The following KLHL20 variants were observed in gnomAD, a reference collection of about 807,000 sequenced individuals.
KLHL20 encodes kelch like family member 20.
A neutral mutation model predicts 69.5 loss-of-function variants in KLHL20; 29 were observed. The ratio of observed to expected loss-of-function variants is 0.42; its 90% CI spans 0.31 to 0.57. The LOEUF (loss-of-function observed/expected upper bound fraction) is 0.57, where lower values mean the gene tolerates loss of function less well. Among genes scored for constraint, KLHL20 ranks in the 20% least tolerant of loss-of-function variants. The pLI is 0.18. For synonymous variants in KLHL20, 253 were observed against 265.2 expected, an observed-to-expected ratio of 0.95 and a Z score of 0.45; for missense variants, 419 against 776.0, an observed-to-expected ratio of 0.54 and a Z score of 5.47.
chr1:173,750,813 A>G (rs1489902277), intron 3 of KLHL20, among the ~76,000 whole-genome samples: 1 of 152,268 alleles, frequency 6.6e-6, no homozygotes, highest in East Asian at 1.9e-4. Context: ...CTCCTGCCTC[A>G]GCCTCCCAAA....
chr1:173,774,466 T>G (rs1648320701), intron 9 of KLHL20, 28 bp downstream of exon 9: 8 of 1,613,180 alleles, frequency 5.0e-6, no homozygotes, highest in Non-Finnish European at 6.8e-6. Context: ...GCAATCAGGT[T>G]CCCCAAAAGC....
intron 7 of KLHL20, among the ~76,000 whole-genome samples, chr1:173,761,385 A>G (rs898632180): frequency 3.9e-5 from 6 of 152,172 alleles, no homozygotes; most frequent in Non-Finnish European, 2.9e-5. Context: ...GAAAAAATGG[A>G]CTTAACAGAT....
Position 173,751,896 on chromosome 1 carries a change from CA to C in KLHL20, c.731del (p.Gln244ArgfsTer28). ...GATGGCCTGGGTCAAATACAGTATT[CA>C]GGAAAGACGTCCTCAATTACCCCAG... ...AVMAWVKYSI[Q>X]ERRPQLPQVL... On this transcript the variant is annotated frameshift_variant, in exon 4 of 12. Coordinates refer to ENST00000209884, the MANE Select transcript of KLHL20 (RefSeq NM_014458.4). LOFTEE classifies it high-confidence loss of function. The C allele has an allele frequency of 1.9e-6, 3 of 1,614,028 alleles. No homozygotes were observed. Among genetic ancestry groups the C allele is most frequent in the Non-Finnish European group, 2.5e-6 (3 of 1,179,972 alleles).
At chr1:173,784,909 GCT>G (rs1271859504) in intron 11 of KLHL20, among the ~76,000 whole-genome samples, 6 of 152,180 alleles carry the variant, frequency 3.9e-5, no homozygotes, top group Admixed American at 3.9e-4. Context: ...TGAATATGAT[GCT>G]CTCTTATTCT....
At chr1:173,775,610 T>TA in intron 9 of KLHL20, 24 bp from the exon 10 acceptor site, 1 of 1,599,344 alleles carries the variant, frequency 6.3e-7, no homozygotes, top group South Asian at 1.1e-5. Flanking sequence ...AATGCTCACT[T>TA]ACTGGTTTTT....
intron 7 of KLHL20, 131 bp downstream of exon 7, chr1:173,757,290 A>G: frequency 1.3e-6 from 1 of 780,914 alleles, no homozygotes; most frequent in East Asian, 2.7e-5. Context: ...TAAACAAGTT[A>G]GTATGATACA....
chr1:173,774,154 T>C (rs1362840439), intron 8 of KLHL20, 151 bp from the exon 9 acceptor site: 4 of 884,058 alleles, frequency 4.5e-6, no homozygotes, highest in Non-Finnish European at 6.9e-6. Flanking sequence ...TAAGACGTTT[T>C]TCTAATGACT....
chr1:173,718,388 A>G (rs1215003695), intron 2 of KLHL20, among the ~76,000 whole-genome samples: 1 of 151,990 alleles, frequency 6.6e-6, no homozygotes, highest in African/African-American at 2.4e-5. Context: ...AAAGGAAACA[A>G]GAAAAATTTA....
chr1:173,756,058 G>A lies in KLHL20; in HGVS notation c.967+20G>A. The A allele has an allele frequency of 1.3e-6, 2 of 1,499,222 alleles. No individual in the cohort carries two copies. The highest frequency in any genetic ancestry group is 1.9e-6 in the Non-Finnish European group (2 of 1,081,010). 92.9% of individuals were successfully genotyped at this position (1,499,222 alleles called of 1,614,324 possible). ...TTGCAGGTTTGGATCTTAATATACT[G>A]TTAGTAAATTGAGTATTTTCCCAGG... is the stretch of plus-strand genomic sequence containing the variant. On this transcript the variant is annotated intron_variant, in intron 6 of 11. Transcript: ENST00000209884.
intron 7 of KLHL20, among the ~76,000 whole-genome samples, chr1:173,765,557 A>G (rs915664387): frequency 6.6e-6 from 1 of 152,210 alleles, no homozygotes; most frequent in African/African-American, 2.4e-5. Context: ...CCTATCACCC[A>G]TTTGCACAAA....
At chr1:173,753,603 T>C (rs1321174009) in intron 5 of KLHL20, among the ~76,000 whole-genome samples, 1 of 152,168 alleles carries the variant, frequency 6.6e-6, no homozygotes, top group Non-Finnish European at 1.5e-5. Flanking sequence ...GAGTCAATTC[T>C]CTGCTAATAT....
chr1:173,737,301 C>T (rs1160474641), intron 3 of KLHL20, among the ~76,000 whole-genome samples: 1 of 152,208 alleles, frequency 6.6e-6, no homozygotes, highest in Non-Finnish European at 1.5e-5. Context: ...TTGCCTGAGC[C>T]AATGTCTAGA....
At chr1:173,720,529 G>A (rs1229881962) in intron 2 of KLHL20, among the ~76,000 whole-genome samples, 1 of 152,112 alleles carries the variant, frequency 6.6e-6, no homozygotes, top group African/African-American at 2.4e-5. Context: ...TATATACATC[G>A]TTTGTTCTTT....
chr1:173,734,353 A>C (rs867349774), intron 3 of KLHL20, 67 bp downstream of exon 3: 2 of 1,297,224 alleles, frequency 1.5e-6, no homozygotes, highest in African/African-American at 1.5e-5. Context: ...CATTCTGCTA[A>C]ATAACACTTG....
intron 2 of KLHL20, among the ~76,000 whole-genome samples, chr1:173,732,196 C>CAA (rs757983555): frequency 4.4e-5 from 5 of 114,446 alleles, no homozygotes; most frequent in Non-Finnish European, 5.5e-5. Flanking sequence ...GACTCTGTCT[C>CAA]AAAAAAAAAA....
chr1:173,753,490 C>G (rs371208171), intron 5 of KLHL20, among the ~76,000 whole-genome samples, 183 bp downstream of exon 5: 1 of 152,152 alleles, frequency 6.6e-6, no homozygotes, highest in Non-Finnish European at 1.5e-5. Context: ...AACTGAACTT[C>G]CAGTGTTTCA....
chr1:173,731,513 T>C (rs961114215), intron 2 of KLHL20, among the ~76,000 whole-genome samples: 9 of 152,164 alleles, frequency 5.9e-5, no homozygotes, highest in African/African-American at 2.2e-4. Context: ...GTGGCACATA[T>C]ACACCATGGA....
chr1:173,757,324 C>T (rs555685925), intron 7 of KLHL20, among the ~76,000 whole-genome samples, 165 bp downstream of exon 7: 22 of 152,120 alleles, frequency 1.4e-4, no homozygotes, highest in African/African-American at 4.3e-4. Flanking sequence ...ATCTGGTCTC[C>T]GCCTATTTTT....
intron 2 of KLHL20, among the ~76,000 whole-genome samples, chr1:173,718,687 C>T (rs1415117676): frequency 6.6e-6 from 1 of 152,098 alleles, no homozygotes; most frequent in Non-Finnish European, 1.5e-5. Flanking sequence ...TGCCACTGCA[C>T]TCCTGCCCGT....
Sources: gnomAD v4.1 joint callset for allele counts (sites outside exome capture counted in the v4.1 genomes callset) on GRCh38, gnomAD v4.1.1 for gene constraint, MANE v1.5 for transcripts, NCBI Gene and HGNC (gene_info 2026-07-23, HGNC 2026-07-21) for gene names.